Variants in ARHGAP35 observed in about 807,000 individuals in gnomAD.
ARHGAP35 encodes the protein Rho GTPase activating protein 35.
In ARHGAP35, 15 loss-of-function variants were observed where a neutral mutation model predicts 111.1. The observed-to-expected ratio is 0.13, with a 90% CI of 0.09 to 0.21. The LOEUF is 0.21. Among genes scored for constraint, ARHGAP35 ranks in the 10% least tolerant of loss-of-function variants. The pLI is 1.00. For missense variants in ARHGAP35, 1,262 were observed against 1,873.0 expected (o/e 0.67, Z 6.02); for synonymous variants, 643 against 710.3 (o/e 0.91, Z 1.51).
intron 1 of ARHGAP35, among the ~76,000 whole-genome samples, chr19:46,905,050 AATCTGGATAGGCTTACC>A (rs1369220568): frequency 6.6e-6 from 1 of 152,294 alleles, no homozygotes; most frequent in African/African-American, 2.4e-5. Flanking sequence ...AGTAGTTACT[AATCTGGATAGGCTTACC>A]AAATGAGAGG....
chr19:46,905,569 A>G (rs972157112), intron 1 of ARHGAP35, among the ~76,000 whole-genome samples: 3 of 144,242 alleles, frequency 2.1e-5, no homozygotes, highest in Admixed American at 6.7e-5. Flanking sequence ...CCCCCCCCCA[A>G]GACAGAGTCT....
At chr19:46,952,780 G>A (rs1409946406) in intron 3 of ARHGAP35, among the ~76,000 whole-genome samples, 1 of 152,192 alleles carries the variant, frequency 6.6e-6, no homozygotes, top group East Asian at 1.9e-4. Context: ...TGGGTCTCAG[G>A]TGATCCTCCT....
At chr19:46,903,730 CGATTGATAAGG>C (rs2056092249) in intron 1 of ARHGAP35, among the ~76,000 whole-genome samples, 1 of 152,124 alleles carries the variant, frequency 6.6e-6, no homozygotes, top group Non-Finnish European at 1.5e-5. Flanking sequence ...TAAGGAATGA[CGATTGATAAGG>C]AAGAACAAAC....
chr19:46,977,768 T>G (rs2056587305), intron 3 of ARHGAP35, among the ~76,000 whole-genome samples: 1 of 152,162 alleles, frequency 6.6e-6, no homozygotes, highest in Non-Finnish European at 1.5e-5. Context: ...CGGGTGTGAA[T>G]CCCAGCCCTG....
In ARHGAP35 at chr19:46,921,689, T is replaced by C; in HGVS notation, c.3014T>C (p.Leu1005Pro). 6.2e-7 allele frequency: 1 copy of C among 1,614,008 alleles called. No individual in the cohort carries two copies. The highest frequency in any genetic ancestry group is 8.5e-7 in the Non-Finnish European group (1 of 1,179,904). The change falls in exon 2 of 7, where the codon CTG becomes CCG. Residue 1005 changes from leucine (L) to proline (P), a missense_variant. By Grantham distance (98) the Leu-to-Pro change is moderately conservative. This residue lies in a region of ARHGAP35 where 579 missense variants were observed against 716.9 expected (regional missense o/e 0.81). Transcript: ENST00000672722. The surrounding 1 kb of genome is among the most constrained non-coding windows in gnomAD (Gnocchi z 4.3). The part of the protein sequence containing the change: ...LFREDTSLPS[L>P]SKDHSKLSME... ...CGAGAAGACACATCACTGCCTTCTC[T>C]GTCCAAAGACCATTCTAAGCTCTCT...
At chr19:46,990,640 T>G (rs935127601) in intron 5 of ARHGAP35, among the ~76,000 whole-genome samples, 2 of 152,204 alleles carry the variant, frequency 1.3e-5, no homozygotes, top group African/African-American at 4.8e-5. Flanking sequence ...TAGTCTCATC[T>G]TGTCACTGCC....
chr19:46,902,820 C>T (rs753380606), intron 1 of ARHGAP35, among the ~76,000 whole-genome samples: 2 of 152,154 alleles, frequency 1.3e-5, no homozygotes, highest in Admixed American at 1.3e-4. Context: ...CTCCCCCCAA[C>T]ATACACAGCA....
chr19:46,901,868 G>A lies in ARHGAP35; in HGVS notation c.-188-16620G>A, dbSNP rs1276157892. On this transcript the variant is annotated intron_variant, in intron 1 of 6. Transcript: ENST00000672722. This position sits in a 1 kb window ranked among gnomAD's most constrained non-coding sequence, Gnocchi z 4.5. Reference sequence around the variant, plus strand: ...CAGATGAGAGCTGTCAAGATAGCTTGGCTGTGAGATGCCATTTAACTAGTT... The same window carrying A: ...CAGATGAGAGCTGTCAAGATAGCTTAGCTGTGAGATGCCATTTAACTAGTT... Among the ~76,000 whole-genome samples the A allele has an allele frequency of 1.3e-5, 2 of 152,138 alleles. No individual in the cohort carries two copies. The highest frequency in any genetic ancestry group is 2.9e-5 in the Non-Finnish European group (2 of 68,032).
In ARHGAP35 at chr19:46,988,062, T is replaced by C; in HGVS notation, c.3900T>C (p.Asp1300=). 6.2e-7 allele frequency: 1 copy of C among 1,613,644 alleles called. No homozygotes were observed. The part of the protein sequence containing the change: ...SEMESLQRQF[D]QDHNLDLAEK... ...TGGAGAGTCTGCAGAGACAGTTTGA[T>C]CAAGGTAAAGTGCAGCCTGGCCAGG... The change falls in exon 4 of 7, where the codon GAT becomes GAC. Residue 1300 remains aspartate, a synonymous_variant. Coordinates refer to ENST00000672722, the MANE Select transcript of ARHGAP35 (RefSeq NM_004491.5). The surrounding 1 kb of genome is among the most constrained non-coding windows in gnomAD (Gnocchi z 5.4).
At chr19:46,966,833 A>G in intron 3 of ARHGAP35, among the ~76,000 whole-genome samples, 1 of 152,176 alleles carries the variant, frequency 6.6e-6, no homozygotes, top group Non-Finnish European at 1.5e-5. Flanking sequence ...GAGAAAATTA[A>G]TATCTCTCCA....
At chr19:46,913,807 G>T (rs2122185085) in intron 1 of ARHGAP35, among the ~76,000 whole-genome samples, 1 of 152,206 alleles carries the variant, frequency 6.6e-6, no homozygotes, top group South Asian at 2.1e-4. Context: ...CATTTAAAAA[G>T]GATTAGCACT....
At chr19:46,861,548 C>T (rs926754805) in intron 1 of ARHGAP35, among the ~76,000 whole-genome samples, 2 of 151,072 alleles carry the variant, frequency 1.3e-5, no homozygotes, top group Non-Finnish European at 3.0e-5. Flanking sequence ...ATTCTGCGCC[C>T]CCCTTCCCCC....
At chr19:46,906,369 A>G (rs932700639) in intron 1 of ARHGAP35, among the ~76,000 whole-genome samples, 2 of 152,166 alleles carry the variant, frequency 1.3e-5, no homozygotes, top group African/African-American at 4.8e-5. Context: ...AAGGTCTGAC[A>G]TGCCACCTGT....
chr19:46,867,906 G>A (rs547209534), intron 1 of ARHGAP35, among the ~76,000 whole-genome samples: 8 of 151,860 alleles, frequency 5.3e-5, no homozygotes, highest in South Asian at 2.1e-4. Flanking sequence ...TCGCTCTATC[G>A]CCCAGGCTGG....
chr19:46,983,074 A>AAAT (rs2056629860), intron 3 of ARHGAP35, among the ~76,000 whole-genome samples: 1 of 150,516 alleles, frequency 6.6e-6, no homozygotes, highest in Non-Finnish European at 1.5e-5. Flanking sequence ...AAAAAAAAAA[A>AAAT]AAAAAAAAAA....
rs2056236997 is a variant in ARHGAP35, at chr19:46,926,205, G to A, written c.3681+3849G>A. Among the ~76,000 whole-genome samples, 1 of 152,202 alleles carries A rather than the reference G, an allele frequency of 6.6e-6. No individual in the cohort carries two copies. The highest frequency in any genetic ancestry group is 1.9e-4 in the East Asian group (1 of 5,202). On this transcript the variant is annotated intron_variant, in intron 2 of 6. Coordinates refer to ENST00000672722, the MANE Select transcript of ARHGAP35 (RefSeq NM_004491.5). This position sits in a 1 kb window ranked among gnomAD's most constrained non-coding sequence, Gnocchi z 4.1. ...TTTACTATAAAACTGGAGTCGGAGT[G>A]AGGGAATCGCTTTCATTTCTCCTCA... is the stretch of plus-strand genomic sequence containing the variant.
At chr19:46,969,755 C>T (rs981842350) in intron 3 of ARHGAP35, among the ~76,000 whole-genome samples, 3 of 152,194 alleles carry the variant, frequency 2.0e-5, no homozygotes, top group African/African-American at 7.2e-5. Flanking sequence ...TGAAGGAGAT[C>T]TACTCATGCC....
intron 5 of ARHGAP35, among the ~76,000 whole-genome samples, chr19:46,998,869 G>A (rs998175736): frequency 3.3e-5 from 5 of 152,246 alleles, no homozygotes; most frequent in African/African-American, 7.2e-5. Flanking sequence ...TCTCATGACC[G>A]ACTGACTCCC....
chr19:46,867,638 TG>T (rs1455554679), intron 1 of ARHGAP35, among the ~76,000 whole-genome samples: 2 of 152,222 alleles, frequency 1.3e-5, no homozygotes, highest in Non-Finnish European at 2.9e-5. Context: ...AGTAAACTCC[TG>T]AGGATGAGGA....
Sources: gnomAD v4.1 joint callset for allele counts (sites outside exome capture counted in the v4.1 genomes callset) on GRCh38, gnomAD v4.1.1 for gene constraint, gnomAD v4.1.1 regional missense constraint, Gnocchi (gnomAD v3.1) non-coding constraint, MANE v1.5 for transcripts, NCBI Gene and HGNC (gene_info 2026-07-23, HGNC 2026-07-21) for gene names.